The following ROR2 variants were observed in gnomAD, a reference collection of about 807,000 sequenced individuals.
ROR2 encodes the protein ROR family WNT receptor 2.
ROR2 carries 33 observed loss-of-function variants against 74.9 expected under a neutral mutation model. The observed-to-expected ratio is 0.44, with a 90% CI of 0.33 to 0.59. ROR2 has a LOEUF of 0.59. ROR2 is among the 20% of genes least tolerant of loss of function. The pLI is 0.02. For synonymous variants in ROR2, 586 were observed against 558.7 expected (o/e 1.05, Z -0.69); for missense variants, 1,216 against 1,313.8 (o/e 0.93, Z 1.15).
chr9:91,881,207 C>T (rs1830102141), intron 1 of ROR2, among the ~76,000 whole-genome samples: 1 of 152,084 alleles, frequency 6.6e-6, no homozygotes, highest in Non-Finnish European at 1.5e-5. Flanking sequence ...TGATCTGTTA[C>T]AGGAAATGGC....
intron 1 of ROR2, among the ~76,000 whole-genome samples, chr9:91,807,204 C>T (rs1827597008): frequency 6.6e-6 from 1 of 152,166 alleles, no homozygotes; most frequent in African/African-American, 2.4e-5. Context: ...CATGGTTGTC[C>T]ACGCTGCAGC....
At chr9:91,900,306 G>A (rs1222470056) in intron 1 of ROR2, among the ~76,000 whole-genome samples, 5 of 151,994 alleles carry the variant, frequency 3.3e-5, no homozygotes, top group Non-Finnish European at 5.9e-5. Context: ...CTGCAGGAAG[G>A]GCAGACGGCA....
chr9:91,888,668 C>G (rs1228574000), intron 1 of ROR2, among the ~76,000 whole-genome samples: 2 of 152,232 alleles, frequency 1.3e-5, no homozygotes, highest in East Asian at 3.8e-4. Flanking sequence ...GGCCACACCA[C>G]TTGCTCAGAA....
intron 1 of ROR2, among the ~76,000 whole-genome samples, chr9:91,904,057 G>A (rs949041053): frequency 2.1e-4 from 32 of 151,268 alleles, no homozygotes; most frequent in African/African-American, 6.8e-4. Context: ...TTTTTGGGGG[G>A]GGGGACAGAG....
chr9:91,921,829 C>T (rs1001094199), intron 1 of ROR2, among the ~76,000 whole-genome samples: 10 of 148,884 alleles, frequency 6.7e-5, no homozygotes, highest in African/African-American at 2.5e-4. Context: ...CCACTGCACT[C>T]CAGCCTGGGC....
intron 1 of ROR2, among the ~76,000 whole-genome samples, chr9:91,815,400 T>C (rs1183696313): frequency 6.6e-6 from 1 of 152,122 alleles, no homozygotes; most frequent in Middle Eastern, 3.2e-3. Flanking sequence ...AGTTGTCACA[T>C]GGTTTGAAAA....
rs574606191 is a variant in ROR2 at position 91,906,952 on chromosome 9, G to A, written c.97+42915C>T. Among the ~76,000 whole-genome samples, 16 of 152,166 alleles carry A rather than the reference G, an allele frequency of 1.1e-4. No individual in the cohort carries two copies. The South Asian group carries it at 1.9e-3, about 18-fold the overall frequency. On this transcript the variant is annotated intron_variant, in intron 1 of 8. Transcript: ENST00000375708. Reference sequence around the variant, plus strand: ...ACTTTTAAGTGGACGGTTTGGTGGCGGTGGGAACATTCACTGTGTTGTGCA... The same window carrying A: ...ACTTTTAAGTGGACGGTTTGGTGGCAGTGGGAACATTCACTGTGTTGTGCA...
At chr9:91,819,132 T>A (rs996653215) in intron 1 of ROR2, among the ~76,000 whole-genome samples, 2 of 152,104 alleles carry the variant, frequency 1.3e-5, no homozygotes, top group African/African-American at 4.8e-5. Flanking sequence ...GGCCCAAAGA[T>A]GAGCCCTGGT....
intron 1 of ROR2, among the ~76,000 whole-genome samples, chr9:91,940,009 A>G (rs1336637029): frequency 1.3e-5 from 2 of 152,168 alleles, no homozygotes; most frequent in Non-Finnish European, 2.9e-5. Context: ...GTGCCACTCC[A>G]AGCCCAGGTT....
At chr9:91,944,453 G>A (rs185363663) in intron 1 of ROR2, among the ~76,000 whole-genome samples, 141 of 152,246 alleles carry the variant, frequency 9.3e-4, no homozygotes, top group African/African-American at 3.1e-3. Flanking sequence ...TAGATGATAC[G>A]ACTTTACATA....
chr9:91,904,356 C>T (rs1165089019), intron 1 of ROR2, among the ~76,000 whole-genome samples: 1 of 152,126 alleles, frequency 6.6e-6, no homozygotes, highest in Non-Finnish European at 1.5e-5. Flanking sequence ...ACAAGTTTAG[C>T]GGGTGGAGCC....
At chr9:91,774,087 G>A (rs1163508365) in intron 2 of ROR2, among the ~76,000 whole-genome samples, 1 of 152,210 alleles carries the variant, frequency 6.6e-6, no homozygotes, top group Non-Finnish European at 1.5e-5. Context: ...GTTAAGTCAG[G>A]CTTTTGAGAA....
intron 1 of ROR2, among the ~76,000 whole-genome samples, chr9:91,901,638 A>G (rs961903037): frequency 6.6e-6 from 1 of 152,114 alleles, no homozygotes; most frequent in African/African-American, 2.4e-5. Flanking sequence ...CAACATGATG[A>G]AACCCCATCT....
At chr9:91,828,582 T>TGCA (rs1828362859) in intron 1 of ROR2, among the ~76,000 whole-genome samples, 1 of 152,104 alleles carries the variant, frequency 6.6e-6, no homozygotes, top group Non-Finnish European at 1.5e-5. Flanking sequence ...GGCGTGGTAG[T>TGCA]GCACGCCTGT....
intron 6 of ROR2, among the ~76,000 whole-genome samples, chr9:91,731,659 T>C (rs529287090): frequency 6.6e-6 from 1 of 152,282 alleles, no homozygotes; most frequent in African/African-American, 2.4e-5. Context: ...TAAACCCTCC[T>C]GGCTGGGGCA....
At chr9:91,799,449 G>A (rs1330099319) in intron 1 of ROR2, among the ~76,000 whole-genome samples, 4 of 152,110 alleles carry the variant, frequency 2.6e-5, no homozygotes, top group African/African-American at 9.7e-5. Flanking sequence ...GCACGGAGGT[G>A]GCCAGCCTTA....
intron 1 of ROR2, among the ~76,000 whole-genome samples, chr9:91,839,506 G>A (rs1369950400): frequency 6.6e-6 from 1 of 151,744 alleles, no homozygotes; most frequent in Non-Finnish European, 1.5e-5. Flanking sequence ...CATGCTGTGG[G>A]TATGTGTGGT....
chr9:91,949,626 C>T (rs1832114358), intron 1 of ROR2, among the ~76,000 whole-genome samples: 1 of 152,148 alleles, frequency 6.6e-6, no homozygotes, highest in Admixed American at 6.5e-5. Flanking sequence ...CGCCGCCGCC[C>T]GCCCCCAGAC....
At chr9:91,805,553 A>G (rs12336034) in intron 1 of ROR2, among the ~76,000 whole-genome samples, 27,366 of 152,162 alleles carry the variant, frequency 0.18, 4,844 homozygotes, top group East Asian at 0.47. Flanking sequence ...CACACTCTCC[A>G]CATGAAAGCT....
Sources: allele counts gnomAD v4.1 joint callset (sites outside exome capture counted in the v4.1 genomes callset), GRCh38; gene constraint gnomAD v4.1.1; transcripts MANE v1.5; gene names NCBI Gene and HGNC (gene_info 2026-07-23, HGNC 2026-07-21).